Variants in FTO observed in about 807,000 individuals in gnomAD.
FTO encodes alpha-ketoglutarate-dependent dioxygenase FTO.
Under a neutral mutation model 63.9 loss-of-function variants are expected in FTO, and 47 were observed. The observed-to-expected ratio is 0.74, with a 90% CI of 0.58 to 0.94. The LOEUF is 0.94. Ranked by LOEUF, FTO falls within the 40% of genes least tolerant of loss-of-function variation. The probability of loss-of-function intolerance (pLI) is 0.00; values close to 1 mark genes in which losing one functional copy is unlikely to be tolerated. For missense variants in FTO, 562 were observed against 618.1 expected (o/e 0.91, Z 0.96); for synonymous variants, 207 against 224.4 (o/e 0.92, Z 0.69).
intron 8 of FTO, among the ~76,000 whole-genome samples, chr16:54,109,528 CG>C (rs2086829452): frequency 1.3e-5 from 2 of 152,100 alleles, no homozygotes; most frequent in Admixed American, 1.3e-4. Flanking sequence ...GACAGGGTTT[CG>C]CCACATTGCC....
chr16:53,961,286 T>G (rs1422905400), intron 8 of FTO, among the ~76,000 whole-genome samples: 6 of 152,168 alleles, frequency 3.9e-5, no homozygotes, highest in African/African-American at 1.4e-4. Context: ...TGCCCTCACT[T>G]GACTAGCTCT....
In FTO at chr16:54,049,123, A is replaced by G. The variant is rs1237308029; in HGVS notation, c.1365-62639A>G. Among the ~76,000 whole-genome samples the G allele has an allele frequency of 2.6e-5, 4 of 152,198 alleles. No homozygotes were observed. In the East Asian group the frequency reaches 7.7e-4, roughly 29 times the overall value. ...CAAACCGTAAGAAAGGTACTTAGATAAAGAAACCAGATGCCAGGTTATTTG... is the reference window on the plus strand; with the variant it reads ...CAAACCGTAAGAAAGGTACTTAGATGAAGAAACCAGATGCCAGGTTATTTG... On this transcript the variant is annotated intron_variant, in intron 8 of 8. Coordinates refer to ENST00000471389, the MANE Select transcript of FTO (RefSeq NM_001080432.3).
chr16:53,896,878 A>G (rs914654922), intron 7 of FTO, among the ~76,000 whole-genome samples: 1 of 152,126 alleles, frequency 6.6e-6, no homozygotes, highest in African/African-American at 2.4e-5. Context: ...CTGTGGGTTA[A>G]ATACTTTGAG....
intron 1 of FTO, among the ~76,000 whole-genome samples, chr16:53,758,200 T>G (rs555744795): frequency 6.6e-6 from 1 of 152,322 alleles, no homozygotes; most frequent in East Asian, 1.9e-4. Context: ...ATATGCTGCC[T>G]AAAGGGACTC....
intron 8 of FTO, among the ~76,000 whole-genome samples, chr16:54,053,593 A>C (rs1368858191): frequency 6.6e-6 from 1 of 152,206 alleles, no homozygotes; most frequent in Non-Finnish European, 1.5e-5. Flanking sequence ...CGGGAATGGT[A>C]AAGGTCCCCC....
intron 1 of FTO, among the ~76,000 whole-genome samples, chr16:53,754,090 G>A (rs1567957269): frequency 6.6e-6 from 1 of 152,092 alleles, no homozygotes; most frequent in Non-Finnish European, 1.5e-5. Context: ...CCCTCTTTTA[G>A]CTAGGCCCTA....
At chr16:53,946,773 C>T (rs1277310748) in intron 8 of FTO, among the ~76,000 whole-genome samples, 1 of 152,202 alleles carries the variant, frequency 6.6e-6, no homozygotes, top group Non-Finnish European at 1.5e-5. Flanking sequence ...AAAACCTCCA[C>T]CCCTCTGCCC....
At chr16:53,999,245 A>T (rs1249092396) in intron 8 of FTO, among the ~76,000 whole-genome samples, 1 of 152,122 alleles carries the variant, frequency 6.6e-6, no homozygotes, top group East Asian at 1.9e-4. Flanking sequence ...CAAGACCAAA[A>T]CCTGTCAGCC....
intron 1 of FTO, among the ~76,000 whole-genome samples, chr16:53,762,478 C>T (rs1194450782): frequency 6.6e-6 from 1 of 152,070 alleles, no homozygotes; most frequent in East Asian, 1.9e-4. Flanking sequence ...ACGTTATCCT[C>T]CAGAGTATCT....
chr16:53,969,391 A>C (rs1286726806), intron 8 of FTO, among the ~76,000 whole-genome samples: 1 of 152,202 alleles, frequency 6.6e-6, no homozygotes, highest in Non-Finnish European at 1.5e-5. Flanking sequence ...TCCTTGGTCC[A>C]GGAGCTGTCC....
intron 8 of FTO, among the ~76,000 whole-genome samples, chr16:54,027,602 G>A (rs1599233581): frequency 6.6e-6 from 1 of 151,964 alleles, no homozygotes; most frequent in Admixed American, 6.6e-5. Context: ...AATCCCATGA[G>A]TTTAGGTCTG....
At chr16:54,095,228 CAG>C (rs1284210534) in intron 8 of FTO, among the ~76,000 whole-genome samples, 1 of 152,136 alleles carries the variant, frequency 6.6e-6, no homozygotes, top group Non-Finnish European at 1.5e-5. Context: ...TTTGTAGAGA[CAG>C]AGTCTCACTC....
At chr16:54,039,724 A>C (rs2085027570) in intron 8 of FTO, 1 of 152,212 alleles carries the variant, frequency 6.6e-6, no homozygotes, top group African/African-American at 2.4e-5. Flanking sequence ...AGGAGCTACA[A>C]AGATGAACCA....
chr16:53,948,385 G>A (rs1567464412), intron 8 of FTO, among the ~76,000 whole-genome samples: 1 of 152,222 alleles, frequency 6.6e-6, no homozygotes, highest in South Asian at 2.1e-4. Context: ...ATGTCTGTAG[G>A]CCATGGTAAT....
chr16:54,024,390 AT>A (rs777282743), intron 8 of FTO, among the ~76,000 whole-genome samples: 31 of 147,078 alleles, frequency 2.1e-4, no homozygotes, highest in East Asian at 2.0e-4. Context: ...CGCCCAGCTA[AT>A]TTTTTTTTTT....
intron 4 of FTO, 23 bp from the exon 5 acceptor site, chr16:53,873,763 C>A: frequency 6.3e-7 from 1 of 1,589,898 alleles, no homozygotes; most frequent in South Asian, 1.1e-5. Flanking sequence ...TGGTTTTATA[C>A]ATTTCTGGTG....
At chr16:54,067,203 GTTAAT>G (rs2085754315) in intron 8 of FTO, among the ~76,000 whole-genome samples, 1 of 150,198 alleles carries the variant, frequency 6.7e-6, no homozygotes, top group Non-Finnish European at 1.5e-5. Flanking sequence ...TGCATTTCTG[GTTAAT>G]TTATTTCAAA....
chr16:53,854,107 A>G (rs1414431886), intron 4 of FTO, among the ~76,000 whole-genome samples: 2 of 151,908 alleles, frequency 1.3e-5, no homozygotes, highest in African/African-American at 4.8e-5. Flanking sequence ...TTTATTGGCC[A>G]TTTGTATATT....
At chr16:53,715,420 A>AT (rs2075871926) in intron 1 of FTO, among the ~76,000 whole-genome samples, 1 of 152,226 alleles carries the variant, frequency 6.6e-6, no homozygotes, top group Non-Finnish European at 1.5e-5. Flanking sequence ...GCAAATGTCA[A>AT]TAAGTACCAG....
Sources: allele counts gnomAD v4.1 joint callset (sites outside exome capture counted in the v4.1 genomes callset), GRCh38; gene constraint gnomAD v4.1.1; transcripts MANE v1.5; gene names NCBI Gene and HGNC (gene_info 2026-07-23, HGNC 2026-07-21).